Variants in DCDC2 observed in about 807,000 individuals in gnomAD.
DCDC2 encodes the protein doublecortin domain-containing protein 2.
Under a neutral mutation model 50.2 loss-of-function variants are expected in DCDC2, and 40 were observed. That is an observed-to-expected ratio of 0.80 (90% CI 0.62 to 1.04). The LOEUF (loss-of-function observed/expected upper bound fraction) is 1.04, where lower values mean the gene tolerates loss of function less well. Ranked by LOEUF, DCDC2 falls within the 50% of genes least tolerant of loss-of-function variation. The pLI is 0.00. For synonymous variants in DCDC2, 234 were observed against 210.6 expected (o/e 1.11, Z -0.96); for missense variants, 570 against 581.9 (o/e 0.98, Z 0.21).
At chr6:24,381,819 G>GAAGGAAGGAAGGAAGGAAGA in the DCDC2 span, among the ~76,000 whole-genome samples, 1 of 120,022 alleles carries the variant, frequency 8.3e-6, no homozygotes, top group Non-Finnish European at 1.8e-5. Flanking sequence ...AGGAAGGAAG[G>GAAGGAAGGAAGGAAGGAAGA]AAGGAAGGAA....
the DCDC2 span, among the ~76,000 whole-genome samples, chr6:24,382,694 G>A: frequency 6.6e-6 from 1 of 152,140 alleles, no homozygotes; most frequent in East Asian, 1.9e-4. Context: ...TCACACTACT[G>A]ACAGGCTAAA....
At chr6:24,359,363 T>A (rs1448968417), upstream of DCDC2, among the ~76,000 whole-genome samples, 9 of 70,766 alleles carry the variant, frequency 1.3e-4, 2 homozygotes, top group Non-Finnish European at 1.9e-4. Flanking sequence ...TTATGTATAT[T>A]ATATATTATA....
intron 7 of DCDC2, among the ~76,000 whole-genome samples, chr6:24,206,512 A>T (rs908790566): frequency 6.6e-6 from 1 of 152,206 alleles, no homozygotes; most frequent in Non-Finnish European, 1.5e-5. Context: ...GACTACAGTT[A>T]TGACCTATGC....
At chr6:24,339,501 G>A (rs374055641) in intron 2 of DCDC2, among the ~76,000 whole-genome samples, 7 of 152,046 alleles carry the variant, frequency 4.6e-5, no homozygotes, top group Non-Finnish European at 8.8e-5. Flanking sequence ...CCACCAAAAC[G>A]TGAGAGCCAT....
intron 2 of DCDC2, among the ~76,000 whole-genome samples, chr6:24,332,598 A>G (rs1380984940): frequency 6.6e-6 from 1 of 152,212 alleles, no homozygotes; most frequent in African/African-American, 2.4e-5. Context: ...ACAGGAATCC[A>G]GGTGCAGAAT....
chr6:24,190,968 A>T (rs1761300222), intron 8 of DCDC2, among the ~76,000 whole-genome samples: 1 of 152,172 alleles, frequency 6.6e-6, no homozygotes, highest in Non-Finnish European at 1.5e-5. Flanking sequence ...GTACAGGGAG[A>T]GGACCAAACT....
intron 8 of DCDC2, among the ~76,000 whole-genome samples, chr6:24,183,835 G>A (rs917211794): frequency 2.0e-5 from 3 of 152,184 alleles, no homozygotes; most frequent in African/African-American, 7.2e-5. Flanking sequence ...GTGGAATGAG[G>A]CGAGAAGCAG....
intron 2 of DCDC2, among the ~76,000 whole-genome samples, chr6:24,335,905 T>C (rs1284463860): frequency 2.0e-5 from 3 of 152,152 alleles, no homozygotes; most frequent in African/African-American, 4.8e-5. Flanking sequence ...GTGAGGATTA[T>C]GGGGATTACA....
intron 7 of DCDC2, among the ~76,000 whole-genome samples, chr6:24,255,036 T>C (rs531851697): frequency 6.6e-6 from 1 of 152,136 alleles, no homozygotes; most frequent in Non-Finnish European, 1.5e-5. Flanking sequence ...CTGAATATGC[T>C]GAAGGATTTA....
intron 2 of DCDC2, among the ~76,000 whole-genome samples, chr6:24,336,728 A>AT (rs1187867037): frequency 9.6e-4 from 141 of 146,546 alleles, no homozygotes; most frequent in African/African-American, 2.8e-3. Flanking sequence ...TTTTTTTTTT[A>AT]TTTTTTTTTC....
chr6:24,205,266 G>C, intron 7 of DCDC2, 164 bp from the exon 8 acceptor site: 1 of 1,560,312 alleles, frequency 6.4e-7, no homozygotes, highest in Non-Finnish European at 8.7e-7. Flanking sequence ...ACCACCCCCA[G>C]TTGTTCCACA....
intron 2 of DCDC2, among the ~76,000 whole-genome samples, chr6:24,332,399 C>A (rs1038010931): frequency 1.3e-5 from 2 of 152,156 alleles, no homozygotes; most frequent in African/African-American, 4.8e-5. Context: ...CAAGAAGAGA[C>A]CACATGGAAA....
At chr6:24,337,960 T>C (rs991809905) in intron 2 of DCDC2, among the ~76,000 whole-genome samples, 6 of 152,226 alleles carry the variant, frequency 3.9e-5, no homozygotes, top group African/African-American at 1.4e-4. Flanking sequence ...ACAAACATCC[T>C]TTCAAGTGCA....
At chr6:24,233,857 G>A (rs868152433) in intron 7 of DCDC2, among the ~76,000 whole-genome samples, 5 of 152,224 alleles carry the variant, frequency 3.3e-5, no homozygotes, top group Middle Eastern at 3.4e-3. Flanking sequence ...ATTTAGTTAG[G>A]GAAATGTGAT....
chr6:24,210,288 G>A (rs185805112), intron 7 of DCDC2, among the ~76,000 whole-genome samples: 37 of 152,052 alleles, frequency 2.4e-4, no homozygotes, highest in South Asian at 8.3e-4. Context: ...ATTCAGCCTT[G>A]ACCTCTTTAT....
intron 4 of DCDC2, among the ~76,000 whole-genome samples, chr6:24,300,045 G>T (rs1253419313): frequency 6.6e-6 from 1 of 152,090 alleles, no homozygotes; most frequent in African/African-American, 2.4e-5. Context: ...GGGGGTGTTT[G>T]TATACATGTA....
chr6:24,308,512 T>G (rs1479531271), intron 2 of DCDC2, among the ~76,000 whole-genome samples: 2 of 152,142 alleles, frequency 1.3e-5, no homozygotes, highest in Admixed American at 6.5e-5. Flanking sequence ...ATACAAAATT[T>G]CATACAAAAT....
chr6:24,174,737 A>G lies in DCDC2; in HGVS notation c.1424T>C (p.Val475Ala). Reference sequence around the variant, plus strand: ...TCTCTTTTTAAAAATGTTCTAAGCCACGGCAGCATAGTCCTTGTTTTGTTG... The same window carrying G: ...TCTCTTTTTAAAAATGTTCTAAGCCGCGGCAGCATAGTCCTTGTTTTGTTG... ...NNQQNKDYAA[V>A]A The change falls in exon 10 of 10, where the codon GTG becomes GCG. Residue 475 changes from valine to alanine, a missense_variant. Val to Ala is a moderately conservative substitution (Grantham distance 64). Coordinates refer to ENST00000378454, the MANE Select transcript of DCDC2 (RefSeq NM_016356.5). 6.2e-7 allele frequency: 1 copy of G among 1,611,386 alleles called. No homozygotes were observed. Among genetic ancestry groups the G allele is most frequent in the Non-Finnish European group, 8.5e-7 (1 of 1,178,028 alleles).
chr6:24,200,713 A>G (rs1761566625), intron 8 of DCDC2, among the ~76,000 whole-genome samples: 3 of 148,742 alleles, frequency 2.0e-5, no homozygotes, highest in Admixed American at 6.6e-5. Context: ...CCAATTGGAT[A>G]AAGAGTCAAG....
Sources: gnomAD v4.1 joint callset for allele counts (sites outside exome capture counted in the v4.1 genomes callset) on GRCh38, gnomAD v4.1.1 for gene constraint, MANE v1.5 for transcripts, NCBI Gene and HGNC (gene_info 2026-07-23, HGNC 2026-07-21) for gene names.